The following MEIOB variants were observed in gnomAD, a reference collection of about 807,000 sequenced individuals.
MEIOB encodes meiosis-specific with OB domain-containing protein.
A neutral mutation model predicts 53.1 loss-of-function variants in MEIOB; 50 were observed. The ratio of observed to expected loss-of-function variants is 0.94; its 90% CI spans 0.75 to 1.19. MEIOB has a LOEUF of 1.19. MEIOB is among the 50% of genes most tolerant of loss of function. The pLI is 0.00. For synonymous variants in MEIOB, 192 were observed against 182.5 expected, an observed-to-expected ratio of 1.05 and a Z score of -0.42; for missense variants, 551 against 550.8, an observed-to-expected ratio of 1.00 and a Z score of 0.00.
intron 6 of MEIOB, among the ~76,000 whole-genome samples, chr16:1,857,072 G>A (rs1453381236): frequency 1.3e-5 from 2 of 152,160 alleles, no homozygotes; most frequent in Non-Finnish European, 2.9e-5. Flanking sequence ...TAATTTTCAT[G>A]TACTTTATTT....
intron 2 of MEIOB, 81 bp from the exon 3 acceptor site, chr16:1,865,916 T>C: frequency 2.2e-6 from 2 of 911,430 alleles, no homozygotes; most frequent in Non-Finnish European, 3.3e-6. Flanking sequence ...CTTGTTATAC[T>C]TTACTGGCTC....
chr16:1,845,322 A>G lies in MEIOB; in HGVS notation c.779-359T>C, dbSNP rs150201816. ...ATCACAAGGTCAGGAGATGGAGACC[A>G]TCCTGGCTAACATGGTGACACCCCA... On this transcript the variant is annotated intron_variant, in intron 9 of 13. Coordinates refer to ENST00000325962, the MANE Select transcript of MEIOB (RefSeq NM_001163560.3). 8.9e-3 allele frequency among the ~76,000 whole-genome samples: 1,355 copies of G among 152,268 alleles called. 17 individuals carry two copies. The highest frequency in any genetic ancestry group is 0.032 in the African/African-American group (1,320 of 41,558).
chr16:1,868,604 C>T (rs990699591), intron 1 of MEIOB, among the ~76,000 whole-genome samples: 1 of 151,556 alleles, frequency 6.6e-6, no homozygotes, highest in Non-Finnish European at 1.5e-5. Flanking sequence ...GCCTATTATC[C>T]CAGCACTTTT....
In MEIOB at chr16:1,850,965, C is replaced by T. The variant is rs528949783; in HGVS notation, c.778+2074G>A. On this transcript the variant is annotated intron_variant, in intron 9 of 13. Transcript: ENST00000325962. Reference sequence around the variant, plus strand: ...ATTAAATTAAAATAAATAAACCATACATAGTACCTCCCTCCAGGAAAGAAA... The same window carrying T: ...ATTAAATTAAAATAAATAAACCATATATAGTACCTCCCTCCAGGAAAGAAA... 2.6e-5 allele frequency among the ~76,000 whole-genome samples: 4 copies of T among 152,112 alleles called. No individual in the cohort carries two copies. In the South Asian group the frequency reaches 6.3e-4, roughly 24 times the overall value.
chr16:1,835,338 C>T (rs1898714524), intron 13 of MEIOB, among the ~76,000 whole-genome samples: 1 of 151,988 alleles, frequency 6.6e-6, no homozygotes, highest in South Asian at 2.1e-4. Context: ...AGACTTTAAG[C>T]TGTAGCAGGG....
At position 1,854,191 on chromosome 16, in the gene MEIOB, G is replaced by A; in HGVS notation, c.538C>T (p.Pro180Ser). Reference sequence around the variant, plus strand: ...CGGTCTGAAGTTGTAAAGTATTTTGGCTCTCCAACCTTAGAAATGGAAATA... The same window carrying A: ...CGGTCTGAAGTTGTAAAGTATTTTGACTCTCCAACCTTAGAAATGGAAATA... ...VLAAVKSVGE[P>S]KYFTTSDRRK... The change falls in exon 7 of 14, where the codon CCA (proline) becomes TCA (serine). Residue 180 changes from proline (P) to serine (S), a missense_variant. By Grantham distance (74) the Pro-to-Ser change is moderately conservative (BLOSUM62 -1). Coordinates refer to ENST00000325962, the MANE Select transcript of MEIOB (RefSeq NM_001163560.3). 5 of 1,541,162 alleles carry A rather than the reference G, an allele frequency of 3.2e-6. No homozygotes were observed. Among genetic ancestry groups the A allele is most frequent in the Non-Finnish European group, 4.4e-6 (5 of 1,138,364 alleles).
At chr16:1,870,964 G>A (rs2982233) in intron 1 of MEIOB, among the ~76,000 whole-genome samples, 2 of 151,784 alleles carry the variant, frequency 1.3e-5, no homozygotes, top group Non-Finnish European at 2.9e-5. Context: ...ACACACCAAG[G>A]GATTTCTCCA....
intron 9 of MEIOB, 59 bp from the exon 10 acceptor site, chr16:1,845,022 T>A: frequency 3.9e-6 from 3 of 768,064 alleles, no homozygotes; most frequent in Non-Finnish European, 4.4e-6. Flanking sequence ...AAATCACATT[T>A]AAATCATCCA....
chr16:1,841,549 C>A (rs1267311559), intron 11 of MEIOB, among the ~76,000 whole-genome samples: 1 of 152,096 alleles, frequency 6.6e-6, no homozygotes, highest in Non-Finnish European at 1.5e-5. Context: ...AGCTTTCTGC[C>A]AAATCATTAG....
chr16:1,857,611 A>C, intron 6 of MEIOB, 124 bp downstream of exon 6: 2 of 653,356 alleles, frequency 3.1e-6, no homozygotes, highest in Admixed American at 3.3e-5. Context: ...TTAATTCAGC[A>C]TACTACCAAG....
chr16:1,847,022 G>A (rs140675617), intron 9 of MEIOB, among the ~76,000 whole-genome samples: 3 of 152,088 alleles, frequency 2.0e-5, no homozygotes, highest in Admixed American at 6.6e-5. Flanking sequence ...AGGCATGGTG[G>A]CACACACCTG....
In MEIOB at chr16:1,839,239, C is replaced by G; in HGVS notation, c.1218+16G>C. 6.4e-7 allele frequency: 1 copy of G among 1,554,830 alleles called. No homozygotes were observed. The highest frequency in any genetic ancestry group is 1.2e-5 in the South Asian group (1 of 82,710). ...TTTGGAAATATTCTAAACATTTCTTCCTTTTTGCTATTTACCGTGCAGCCC... is the reference window on the plus strand; with the variant it reads ...TTTGGAAATATTCTAAACATTTCTTGCTTTTTGCTATTTACCGTGCAGCCC... On this transcript the variant is annotated intron_variant, in intron 12 of 13. Coordinates refer to ENST00000325962, the MANE Select transcript of MEIOB (RefSeq NM_001163560.3).
intron 13 of MEIOB, among the ~76,000 whole-genome samples, chr16:1,836,329 G>A (rs1898748350): frequency 6.6e-6 from 1 of 152,206 alleles, no homozygotes; most frequent in South Asian, 2.1e-4. Context: ...GGAAAGTGCA[G>A]TATCCACTTG....
In MEIOB at chr16:1,869,935, G is replaced by A. The variant is rs1023224701; in HGVS notation, c.-9-1751C>T. 1.7e-4 allele frequency among the ~76,000 whole-genome samples: 25 copies of A among 146,624 alleles called. No individual in the cohort carries two copies. In the East Asian group the frequency reaches 2.9e-3, roughly 17 times the overall value. ...CGCCCAGGATGGAGTGCAGTGGCAC[G>A]ATCTCAGCTCACTGCAACCTCTACC... On this transcript the variant is annotated intron_variant, in intron 1 of 13. Transcript: ENST00000325962.
At chr16:1,834,922 C>T (rs919046568) in intron 13 of MEIOB, among the ~76,000 whole-genome samples, 4 of 147,284 alleles carry the variant, frequency 2.7e-5, no homozygotes, top group African/African-American at 1.0e-4. Context: ...GCAACTAGAG[C>T]GAAACTCTGT....
At chr16:1,854,262 G>A (rs1490117167) in intron 6 of MEIOB, 62 bp from the exon 7 acceptor site, 1 of 959,388 alleles carries the variant, frequency 1.0e-6, no homozygotes, top group East Asian at 2.7e-5. Context: ...AGTATTTGTT[G>A]ATGAAAATAC....
intron 10 of MEIOB, among the ~76,000 whole-genome samples, 188 bp from the exon 11 acceptor site, chr16:1,842,161 A>G (rs1325034895): frequency 6.6e-6 from 1 of 152,164 alleles, no homozygotes; most frequent in Non-Finnish European, 1.5e-5. Context: ...AAAAAAGGAA[A>G]TGAAATTAGT....
At chr16:1,849,478 G>A (rs1357161206) in intron 9 of MEIOB, among the ~76,000 whole-genome samples, 4 of 147,906 alleles carry the variant, frequency 2.7e-5, no homozygotes, top group African/African-American at 5.0e-5. Context: ...CCCGGGAGGC[G>A]AAGCTTGCAG....
intron 1 of MEIOB, among the ~76,000 whole-genome samples, chr16:1,868,725 G>A (rs1899656650): frequency 6.6e-6 from 1 of 151,666 alleles, no homozygotes; most frequent in African/African-American, 2.4e-5. Flanking sequence ...CTTGGTGGCA[G>A]GCACCTGTAG....
Sources: allele counts gnomAD v4.1 joint callset (sites outside exome capture counted in the v4.1 genomes callset), GRCh38; gene constraint gnomAD v4.1.1; transcripts MANE v1.5; gene names NCBI Gene and HGNC (gene_info 2026-07-23, HGNC 2026-07-21).